RUNX1T1: variants seen among roughly 807,000 people sequenced by gnomAD.
RUNX1T1 encodes the protein protein CBFA2T1.
In RUNX1T1, 4 loss-of-function variants were observed where a neutral mutation model predicts 62.8. The ratio of observed to expected loss-of-function variants is 0.06; its 90% CI spans 0.03 to 0.15. The LOEUF is 0.15. Among genes scored for constraint, RUNX1T1 ranks in the 10% least tolerant of loss-of-function variants. The pLI, the probability that RUNX1T1 is intolerant of heterozygous loss-of-function variation, is 1.00. For synonymous variants in RUNX1T1, 291 were observed against 286.0 expected (o/e 1.02, Z -0.18); for missense variants, 508 against 754.3 (o/e 0.67, Z 3.82).
rs770749625 is a variant in RUNX1T1, at chr8:91,975,982, A to G, written c.1199-9T>C. 3.2e-5 allele frequency: 51 copies of G among 1,605,826 alleles called. No individual in the cohort carries two copies. Among genetic ancestry groups the G allele is most frequent in the Non-Finnish European group, 4.3e-5 (50 of 1,172,576 alleles). ...GAATTCCCGATGCGCGTCTATGAAA[A>G]GGATGGGAAGGGGGTGGAGAGAGGA... On this transcript the variant is annotated splice_polypyrimidine_tract_variant and intron_variant, in intron 8 of 10. Transcript: ENST00000396218.
At chr8:91,981,971 A>G (rs1332630085) in intron 8 of RUNX1T1, among the ~76,000 whole-genome samples, 1 of 151,976 alleles carries the variant, frequency 6.6e-6, no homozygotes, top group Non-Finnish European at 1.5e-5. Context: ...TTGGCCAGGT[A>G]CAGTGGATCA....
At chr8:91,963,589 G>A (rs1810989360) in intron 10 of RUNX1T1, among the ~76,000 whole-genome samples, 1 of 152,188 alleles carries the variant, frequency 6.6e-6, no homozygotes. Flanking sequence ...CCCCTGAATA[G>A]TCACAATTCT....
At chr8:92,060,653 T>C (rs1462136049) in intron 1 of RUNX1T1, among the ~76,000 whole-genome samples, 2 of 150,422 alleles carry the variant, frequency 1.3e-5, no homozygotes, top group Non-Finnish European at 3.0e-5. Context: ...CTTTTAATCT[T>C]CTACACATAA....
chr8:92,006,401 T>C (rs184336948), intron 4 of RUNX1T1: 17 of 152,232 alleles, frequency 1.1e-4, no homozygotes, highest in African/African-American at 4.1e-4. Context: ...AACTTGAAGA[T>C]TTCATTTGTA....
chr8:92,027,094 C>T lies in RUNX1T1; in HGVS notation c.8-9731G>A, dbSNP rs1486949274. Among the ~76,000 whole-genome samples, 44 of 132,744 alleles carry T rather than the reference C, an allele frequency of 3.3e-4. 1 individual carries two copies. The highest frequency in any genetic ancestry group is 1.2e-3 in the African/African-American group (42 of 35,314). The allele number at this position is 132,744 out of a possible 152,430, so 87.1% of individuals were successfully genotyped here. A position where few individuals can be genotyped will look rare whatever the true frequency, so the allele number is the denominator to read the frequency against. Reference sequence around the variant, plus strand: ...TCGCGCCACTGCGCTCCAGCCTGGGCGACAGAGCGAAACTCCGTCTCAAAA... The same window carrying T: ...TCGCGCCACTGCGCTCCAGCCTGGGTGACAGAGCGAAACTCCGTCTCAAAA... On this transcript the variant is annotated intron_variant, in intron 1 of 10. Transcript: ENST00000396218.
chr8:91,987,006 G>A (rs1053952453), intron 6 of RUNX1T1, 34 bp from the exon 8 acceptor site: 1 of 1,369,626 alleles, frequency 7.3e-7, no homozygotes, highest in Non-Finnish European at 1.0e-6. Context: ...TAACCCTAAA[G>A]CATTCAGTAC....
intron 1 of RUNX1T1, among the ~76,000 whole-genome samples, chr8:92,030,764 A>G (rs1346305716): frequency 1.3e-5 from 2 of 152,092 alleles, no homozygotes; most frequent in African/African-American, 4.8e-5. Context: ...TCTCCTAGCT[A>G]TCTCTAGGAG....
At chr8:92,024,103 C>T (rs1032374115) in intron 1 of RUNX1T1, among the ~76,000 whole-genome samples, 15 of 152,312 alleles carry the variant, frequency 9.8e-5, no homozygotes, top group Middle Eastern at 3.4e-3. Flanking sequence ...AAAATTCCTA[C>T]AATTTGGGTC....
chr8:92,010,063 A>G (rs1821631032), intron 4 of RUNX1T1: 1 of 152,206 alleles, frequency 6.6e-6, no homozygotes, highest in Admixed American at 6.5e-5. Context: ...CAGTTTTAAA[A>G]ATAGATGAAA....
At chr8:92,010,927 C>T in intron 4 of RUNX1T1, 75 bp downstream of exon 5, 2 of 791,400 alleles carry the variant, frequency 2.5e-6, no homozygotes, top group Non-Finnish European at 4.4e-6. Flanking sequence ...CCTAAATGTA[C>T]TAAAAAAGCA....
chr8:92,026,913 C>T (rs553080635), intron 1 of RUNX1T1, among the ~76,000 whole-genome samples: 1 of 149,400 alleles, frequency 6.7e-6, no homozygotes, highest in South Asian at 2.1e-4. Flanking sequence ...GTCAGGAGAT[C>T]GAGACCATCC....
downstream of RUNX1T1, chr8:91,956,290 C>A: frequency 4.3e-6 from 1 of 231,842 alleles, no homozygotes; most frequent in East Asian, 6.1e-5. Flanking sequence ...TGAGAAACAT[C>A]CCCTTATGAA....
intron 5 of RUNX1T1, among the ~76,000 whole-genome samples, chr8:91,999,210 C>T (rs1489799144): frequency 6.6e-6 from 1 of 151,994 alleles, no homozygotes; most frequent in Non-Finnish European, 1.5e-5. Context: ...ACAGAAGGTA[C>T]CATTAAAAAC....
chr8:92,060,553 A>ATATATATGTGTGTGTGTGTGTGTG, intron 1 of RUNX1T1, among the ~76,000 whole-genome samples: 16 of 63,924 alleles, frequency 2.5e-4, no homozygotes, highest in African/African-American at 6.9e-4. Flanking sequence ...ATATATATAT[A>ATATATATGTGTGTGTGTGTGTGTG]TGTGTGTGTG....
chr8:92,064,287 A>G (rs774597480), upstream of RUNX1T1, among the ~76,000 whole-genome samples: 4 of 152,198 alleles, frequency 2.6e-5, no homozygotes, highest in Admixed American at 6.5e-5. Context: ...TCAAAAATCC[A>G]TCATTGTCAG....
chr8:92,043,620 T>C (rs1455211117), intron 1 of RUNX1T1, among the ~76,000 whole-genome samples: 3 of 152,106 alleles, frequency 2.0e-5, no homozygotes, highest in African/African-American at 7.2e-5. Context: ...AATTTTCAGC[T>C]GTAATTTCCT....
intron 1 of RUNX1T1, among the ~76,000 whole-genome samples, chr8:92,024,727 G>A (rs868408610): frequency 1.3e-5 from 2 of 151,802 alleles, no homozygotes; most frequent in East Asian, 1.9e-4. Context: ...GGCTTTCCTC[G>A]CTTCTCCTTT....
exon 11 of RUNX1T1, chr8:91,959,414 G>A (rs1046839): frequency 8.7e-6 from 1 of 114,922 alleles, no homozygotes; most frequent in Admixed American, 1.1e-4. Context: ...TCTCTTACTT[G>A]TGTGTGTGTG....
intron 1 of RUNX1T1, among the ~76,000 whole-genome samples, chr8:92,035,231 G>A (rs1827186475): frequency 6.6e-6 from 1 of 150,892 alleles, no homozygotes; most frequent in African/African-American, 2.4e-5. Flanking sequence ...GGAAGCAGAG[G>A]TTGCAGTGAG....
Sources: allele counts gnomAD v4.1 joint callset (sites outside exome capture counted in the v4.1 genomes callset), GRCh38; gene constraint gnomAD v4.1.1; transcripts MANE v1.5; gene names NCBI Gene and HGNC (gene_info 2026-07-23, HGNC 2026-07-21).